Variants in MTMR9 observed in about 807,000 individuals in gnomAD.
MTMR9 encodes the protein myotubularin related protein 9, also known as myotubularin-related protein 9.
MTMR9 carries 39 observed loss-of-function variants against 69.5 expected under a neutral mutation model. The observed-to-expected ratio is 0.56, with a 90% CI of 0.43 to 0.73. MTMR9 has a LOEUF of 0.73. Ranked by LOEUF, MTMR9 falls within the 30% of genes least tolerant of loss-of-function variation. The pLI, the probability that MTMR9 is intolerant of heterozygous loss-of-function variation, is 0.00. For synonymous variants in MTMR9, 354 were observed against 240.8 expected, an observed-to-expected ratio of 1.47 and a Z score of -4.35; for missense variants, 900 against 671.2, an observed-to-expected ratio of 1.34 and a Z score of -3.77.
In MTMR9 at chr8:11,324,841, A is replaced by C. The variant is rs1299047061; in HGVS notation, c.*2053A>C. 2.0e-5 allele frequency: 3 copies of C among 152,302 alleles called. No homozygotes were observed. The highest frequency in any genetic ancestry group is 2.9e-5 in the Non-Finnish European group (2 of 68,122). 9.4% of individuals were successfully genotyped at this position (152,302 alleles called of 1,614,324 possible). ...CAGTCCACTCCAGCCTGAGCAACAG[A>C]GCGAGACCCTGTGTCTAAGTAAAGA... is the stretch of plus-strand genomic sequence containing the variant. On this transcript the variant is annotated 3_prime_UTR_variant, in exon 10 of 10. Coordinates refer to ENST00000221086, the MANE Select transcript of MTMR9 (RefSeq NM_015458.4).
chr8:11,298,881 T>C (rs951018117), intron 2 of MTMR9: 5 of 985,108 alleles, frequency 5.1e-6, no homozygotes, highest in Middle Eastern at 5.2e-4. Context: ...CAGGTAAATA[T>C]AGGCCCATTT....
chr8:11,331,829 G>A (rs1403532059), downstream of MTMR9: 2 of 1,611,960 alleles, frequency 1.2e-6, no homozygotes, highest in Admixed American at 1.7e-5. Context: ...TCTTTGTGCT[G>A]CAGACCCCCG....
intron 6 of MTMR9, among the ~76,000 whole-genome samples, chr8:11,310,604 G>A (rs978092313): frequency 5.9e-5 from 9 of 152,226 alleles, no homozygotes; most frequent in Admixed American, 2.0e-4. Flanking sequence ...TGTTTTAGGC[G>A]TTAGGTGAAG....
downstream of MTMR9, chr8:11,331,892 C>T (rs143159188): frequency 7.9e-5 from 127 of 1,612,062 alleles, 1 homozygote; most frequent in African/African-American, 1.2e-3. Context: ...AGGGGATCCT[C>T]GCCTTGGTCT....
At chr8:11,287,709 ATATT>A (rs1799214341) in intron 1 of MTMR9, among the ~76,000 whole-genome samples, 1 of 135,548 alleles carries the variant, frequency 7.4e-6, no homozygotes, top group East Asian at 2.0e-4. Context: ...TATATTATAT[ATATT>A]ATAATATATA....
intron 5 of MTMR9, among the ~76,000 whole-genome samples, chr8:11,307,332 A>C (rs1469297102): frequency 1.3e-5 from 2 of 152,156 alleles, no homozygotes; most frequent in Admixed American, 1.3e-4. Context: ...TCGGCCCCTC[A>C]AAGTGTTGAA....
chr8:11,295,164 T>C, intron 1 of MTMR9, 30 bp from the exon 2 acceptor site: 1 of 1,173,840 alleles, frequency 8.5e-7, no homozygotes, highest in Non-Finnish European at 1.3e-6. Flanking sequence ...AATATATGTG[T>C]TCCTAAACAT....
At chr8:11,319,911 G>A in intron 9 of MTMR9, 73 bp downstream of exon 9, 1 of 1,492,792 alleles carries the variant, frequency 6.7e-7, no homozygotes, top group African/African-American at 1.4e-5. Flanking sequence ...GTGTGCTGTT[G>A]GTGATGTATG....
chr8:11,286,334 C>G (rs564982628), intron 1 of MTMR9, among the ~76,000 whole-genome samples: 2 of 151,488 alleles, frequency 1.3e-5, no homozygotes, highest in Admixed American at 1.3e-4. Flanking sequence ...GAGCAGGGGG[C>G]TCTTATTAGT....
intron 7 of MTMR9, chr8:11,316,413 A>G (rs998536339): frequency 6.7e-5 from 21 of 314,274 alleles, no homozygotes; most frequent in Non-Finnish European, 9.8e-5. Flanking sequence ...TCCATGGGAT[A>G]TTCCAAGGGC....
chr8:11,321,690 C>T (rs1800699486), intron 9 of MTMR9: 1 of 312,334 alleles, frequency 3.2e-6, no homozygotes, highest in South Asian at 2.8e-5. Context: ...AAATATCTCT[C>T]TGCTGTTTAC....
Position 11,306,345 on chromosome 8 carries a change from A to G in MTMR9, c.747A>G (p.Gly249=), listed in dbSNP as rs964985807. The part of the protein sequence containing the change: ...LNVAQQTRAK[G]GGFEQEAHYP... The stretch of plus-strand genomic sequence containing the variant: ...TGGCTCAGCAAACTAGAGCCAAAGG[A>G]GGTGGCTTTGAACAAGAAGCTCATT... The change falls in exon 5 of 10, where the codon GGA becomes GGG. Residue 249 remains glycine, a synonymous_variant. Coordinates refer to ENST00000221086, the MANE Select transcript of MTMR9 (RefSeq NM_015458.4). 6.2e-7 allele frequency: 1 copy of G among 1,613,974 alleles called. No homozygotes were observed. The highest frequency in any genetic ancestry group is 1.3e-5 in the African/African-American group (1 of 74,934).
chr8:11,289,326 A>G (rs2117351402), intron 1 of MTMR9, among the ~76,000 whole-genome samples: 1 of 152,370 alleles, frequency 6.6e-6, no homozygotes, highest in African/African-American at 2.4e-5. Context: ...TCTGCCTCTT[A>G]CTAGACAAGT....
In MTMR9 at chr8:11,304,061, T is replaced by C. The variant is rs899300239; in HGVS notation, c.418-780T>C. On this transcript the variant is annotated intron_variant, in intron 3 of 9. Transcript: ENST00000221086. ...AATTTACATATAATTTGATTTTTTTTTTTTACTGTAAAACCTTTTGACAGT... is the reference window on the plus strand; with the variant it reads ...AATTTACATATAATTTGATTTTTTTCTTTTACTGTAAAACCTTTTGACAGT... Among the ~76,000 whole-genome samples the C allele has an allele frequency of 3.3e-5, 5 of 152,294 alleles. No individual in the cohort carries two copies. In the South Asian group the frequency reaches 1.0e-3, roughly 32 times the overall value.
rs369350452 is a variant in MTMR9, at chr8:11,316,908, C to G, written c.1334+15C>G. The G allele has an allele frequency of 6.6e-7, 1 of 1,519,062 alleles. No homozygotes were observed. The highest frequency in any genetic ancestry group is 2.1e-5 in the Admixed American group (1 of 47,722). The allele number at this position is 1,519,062 out of a possible 1,614,324, so 94.1% of individuals were successfully genotyped here. A position where few individuals can be genotyped will look rare whatever the true frequency, so the allele number is the denominator to read the frequency against. ...GAAAGTGAAAGGTGAGTACACTGCT[C>G]ACATGGGGACCTTTCCTTTTCCGTT... On this transcript the variant is annotated intron_variant, in intron 8 of 9. Transcript: ENST00000221086.
intron 8 of MTMR9, chr8:11,318,643 A>C (rs1287926275): frequency 6.6e-6 from 1 of 152,188 alleles, no homozygotes; most frequent in Non-Finnish European, 1.5e-5. Context: ...AAACATGCCG[A>C]TCGACTGTTA....
chr8:11,308,389 C>G (rs1800053175), intron 5 of MTMR9, among the ~76,000 whole-genome samples: 1 of 152,138 alleles, frequency 6.6e-6, no homozygotes, highest in South Asian at 2.1e-4. Flanking sequence ...TTCCATTAGT[C>G]AATGTGTCTG....
Position 11,325,911 on chromosome 8 carries a change from G to A in MTMR9, c.*3123G>A, listed in dbSNP as rs905160667. 6.6e-6 allele frequency: 1 copy of A among 151,982 alleles called. No homozygotes were observed. The highest frequency in any genetic ancestry group is 2.1e-4 in the South Asian group (1 of 4,822). 9.4% of individuals were successfully genotyped at this position (151,982 alleles called of 1,614,324 possible). On this transcript the variant is annotated 3_prime_UTR_variant, in exon 10 of 10. Transcript: ENST00000221086. ...TTTAAAGTGATTTTTGAGAAGACTT[G>A]GGGGGGACAATAATAGACATTCATG...
At chr8:11,293,319 G>T (rs1799431695) in intron 1 of MTMR9, among the ~76,000 whole-genome samples, 1 of 152,182 alleles carries the variant, frequency 6.6e-6, no homozygotes, top group African/African-American at 2.4e-5. Flanking sequence ...TGTATGGTGT[G>T]TTGTATTTTC....
Sources: allele counts gnomAD v4.1 joint callset (sites outside exome capture counted in the v4.1 genomes callset), GRCh38; gene constraint gnomAD v4.1.1; transcripts MANE v1.5; gene names NCBI Gene and HGNC (gene_info 2026-07-23, HGNC 2026-07-21).